The following SSPN variants were observed in gnomAD, a reference collection of about 807,000 sequenced individuals.
The protein encoded by SSPN is K-ras oncogene-associated protein.
Under a neutral mutation model 19.1 loss-of-function variants are expected in SSPN, and 15 were observed. The ratio of observed to expected loss-of-function variants is 0.78; its 90% CI spans 0.52 to 1.21. The LOEUF (loss-of-function observed/expected upper bound fraction) is 1.21, where lower values mean the gene tolerates loss of function less well. Among genes scored for constraint, SSPN ranks in the 50% most tolerant of loss-of-function variants. SSPN has a pLI of 0.00. For missense variants in SSPN, 291 were observed against 314.0 expected (o/e 0.93, Z 0.55); for synonymous variants, 147 against 140.3 (o/e 1.05, Z -0.34).
At chr12:26,140,315 T>G (rs10161019) in intron 1 of SSPN, among the ~76,000 whole-genome samples, 20,107 of 152,218 alleles carry the variant, frequency 0.13, 2,932 homozygotes, top group African/African-American at 0.36. Context: ...GCTCTGATTT[T>G]AAGGATCATC....
chr12:26,131,773 C>G (rs1565668108), intron 1 of SSPN, among the ~76,000 whole-genome samples: 3 of 152,262 alleles, frequency 2.0e-5, no homozygotes, highest in Non-Finnish European at 4.4e-5. Flanking sequence ...TAAACAATGT[C>G]CAGTGCTCTC....
In SSPN at chr12:26,231,045, C is replaced by T. The variant is rs151230889; in HGVS notation, c.701C>T (p.Thr234Met). ...GTGGGTGTCAGGATATGCTCCCTCACGGCTTCCGAAGGCCCCCAGCAAAAG... is the reference window on the plus strand; with the variant it reads ...GTGGGTGTCAGGATATGCTCCCTCATGGCTTCCGAAGGCCCCCAGCAAAAG... Reference protein sequence around the residue: ...FYVGVRICSLTASEGPQQKI With the variant: ...FYVGVRICSLMASEGPQQKI Residue 234 changes from threonine to methionine, a missense_variant, in exon 3 of 3, where the codon ACG becomes ATG. Physicochemically the swap from Thr to Met is moderately conservative, Grantham distance 81. This residue lies in a region of SSPN where 141 missense variants were observed against 166.7 expected (regional missense o/e 0.85). Transcript: ENST00000242729. 1.1e-4 allele frequency: 174 copies of T among 1,613,710 alleles called. No homozygotes were observed. The African/African-American group carries it at 1.5e-3, about 14-fold the overall frequency.
At chr12:26,228,673 C>CAG (rs919453908) in intron 2 of SSPN, among the ~76,000 whole-genome samples, 8 of 151,852 alleles carry the variant, frequency 5.3e-5, no homozygotes, top group African/African-American at 1.5e-4. Flanking sequence ...CACACACACA[C>CAG]AGAACATGGT....
intron 1 of SSPN, chr12:26,134,822 A>T (rs774741973): frequency 6.6e-6 from 1 of 151,864 alleles, no homozygotes; most frequent in Non-Finnish European, 1.5e-5. Context: ...TACCAGGCAC[A>T]TGGAGATTAG....
intron 2 of SSPN, among the ~76,000 whole-genome samples, chr12:26,226,956 C>A (rs557789171): frequency 6.6e-6 from 1 of 152,220 alleles, no homozygotes; most frequent in East Asian, 1.9e-4. Context: ...AGCGGAGACG[C>A]GCCCGGGCGC....
At chr12:26,175,539 A>T (rs934345448) in intron 1 of SSPN, among the ~76,000 whole-genome samples, 8 of 152,036 alleles carry the variant, frequency 5.3e-5, no homozygotes, top group African/African-American at 1.7e-4. Flanking sequence ...TGTGATTTTT[A>T]TGGGAATTTT....
At chr12:26,123,261 T>C (rs2137387739) in intron 1 of SSPN, 2 of 1,424,600 alleles carry the variant, frequency 1.4e-6, no homozygotes, top group South Asian at 1.5e-5. Context: ...ACGTGGGCCC[T>C]GCATCGACTA....
At chr12:26,155,196 A>G (rs1350354912) in intron 1 of SSPN, among the ~76,000 whole-genome samples, 3 of 152,222 alleles carry the variant, frequency 2.0e-5, no homozygotes, top group Non-Finnish European at 2.9e-5. Flanking sequence ...CCATTGGGTA[A>G]CACCTCTTTC....
intron 1 of SSPN, among the ~76,000 whole-genome samples, chr12:26,219,425 G>A (rs1233092266): frequency 6.6e-6 from 1 of 151,906 alleles, no homozygotes. Flanking sequence ...AGTTATAATA[G>A]GCCAAATAAC....
intron 1 of SSPN, among the ~76,000 whole-genome samples, chr12:26,186,600 A>C (rs954615247): frequency 6.6e-6 from 1 of 152,214 alleles, no homozygotes; most frequent in Non-Finnish European, 1.5e-5. Context: ...TTGTCATTTC[A>C]ACACACTTTC....
intron 1 of SSPN, among the ~76,000 whole-genome samples, chr12:26,132,109 C>T (rs997155845): frequency 6.6e-6 from 1 of 152,172 alleles, no homozygotes; most frequent in Non-Finnish European, 1.5e-5. Context: ...AAATTCTTAA[C>T]CCCATTCTAG....
At chr12:26,125,136 C>T (rs1029463075) in intron 1 of SSPN, 3 of 393,574 alleles carry the variant, frequency 7.6e-6, no homozygotes, top group Admixed American at 3.9e-5. Context: ...GGAGGAGGGG[C>T]CGGGCCGGGC....
chr12:26,122,750 G>T (rs1944323717), intron 1 of SSPN: 2 of 1,596,932 alleles, frequency 1.3e-6, no homozygotes, highest in Non-Finnish European at 8.5e-7. Flanking sequence ...CCGCGCCTTT[G>T]CCTTTCTCGC....
At chr12:26,230,463 A>G (rs961335289) in intron 2 of SSPN, among the ~76,000 whole-genome samples, 1 of 152,200 alleles carries the variant, frequency 6.6e-6, no homozygotes, top group African/African-American at 2.4e-5. Flanking sequence ...TATGGTTGTC[A>G]CAACTCTTGA....
intron 1 of SSPN, among the ~76,000 whole-genome samples, chr12:26,206,967 G>T (rs759726136): frequency 1.3e-5 from 2 of 152,184 alleles, no homozygotes; most frequent in Admixed American, 6.5e-5. Context: ...TAGTCTCTGG[G>T]TGAGGAAACA....
intron 2 of SSPN, among the ~76,000 whole-genome samples, chr12:26,226,949 G>C (rs949392456): frequency 2.6e-5 from 4 of 152,064 alleles, no homozygotes; most frequent in African/African-American, 7.2e-5. Flanking sequence ...GCGAGCGAGC[G>C]GAGACGCGCC....
chr12:26,188,756 C>A (rs796808111), intron 1 of SSPN, among the ~76,000 whole-genome samples: 1 of 152,176 alleles, frequency 6.6e-6, no homozygotes. Context: ...CACTGTAGGA[C>A]CAATGGTGAT....
intron 1 of SSPN, among the ~76,000 whole-genome samples, chr12:26,214,121 C>T (rs888280292): frequency 7.9e-5 from 12 of 152,036 alleles, no homozygotes; most frequent in African/African-American, 2.4e-4. Flanking sequence ...ATTCCAGGCA[C>T]GTTATTTATG....
chr12:26,153,872 C>A (rs1944540290), intron 1 of SSPN, among the ~76,000 whole-genome samples: 1 of 152,162 alleles, frequency 6.6e-6, no homozygotes, highest in African/African-American at 2.4e-5. Context: ...CCTTATGGTC[C>A]CTCCTGATGG....
Sources: allele counts gnomAD v4.1 joint callset (sites outside exome capture counted in the v4.1 genomes callset), GRCh38; gene constraint gnomAD v4.1.1; regional missense constraint gnomAD v4.1.1; transcripts MANE v1.5; gene names NCBI Gene and HGNC (gene_info 2026-07-23, HGNC 2026-07-21).